The following PGAP2 variants were observed in gnomAD, a reference collection of about 807,000 sequenced individuals.
The protein encoded by PGAP2 is post-GPI attachment to proteins 2.
Under a neutral mutation model 33.2 loss-of-function variants are expected in PGAP2, and 21 were observed. The ratio of observed to expected loss-of-function variants is 0.63; its 90% CI spans 0.45 to 0.91. The LOEUF (loss-of-function observed/expected upper bound fraction) is 0.91. Ranked by LOEUF, PGAP2 falls within the 40% of genes least tolerant of loss-of-function variation. The pLI is 0.00. For missense variants in PGAP2, 345 were observed against 424.0 expected, an observed-to-expected ratio of 0.81 and a Z score of 1.64; for synonymous variants, 161 against 172.9, an observed-to-expected ratio of 0.93 and a Z score of 0.54.
rs1045801313 is a variant in PGAP2, at chr11:3,825,084, C to T, written c.773C>T (p.Ala258Val). ...FIINFISFFS[A>V]LAVYFRHNMY... ...ATCAACTTCATCTCCTTCTTCTCGG[C>T]GCTGGCTGTCTACTTTCGGCACAAC... is the stretch of plus-strand genomic sequence containing the variant. Residue 258 changes from alanine (A) to valine (V), a missense_variant, in exon 6 of 7, where the codon GCG (alanine) becomes GTG (valine). Transcript: ENST00000278243. 1.9e-6 allele frequency: 3 copies of T among 1,614,200 alleles called. No individual in the cohort carries two copies. Among genetic ancestry groups the T allele is most frequent in the East Asian group, 2.2e-5 (1 of 44,880 alleles).
At chr11:3,820,204 A>G (rs2088205205) in intron 3 of PGAP2, among the ~76,000 whole-genome samples, 1 of 152,166 alleles carries the variant, frequency 6.6e-6, no homozygotes, top group African/African-American at 2.4e-5. Flanking sequence ...AGGCAGAAAA[A>G]TCAAGTAAGG....
intron 1 of PGAP2, among the ~76,000 whole-genome samples, chr11:3,810,508 C>T (rs1158947158): frequency 1.3e-5 from 2 of 152,204 alleles, no homozygotes; most frequent in Admixed American, 1.3e-4. Context: ...CCCCAGGAAC[C>T]CTCATCTGTT....
intron 3 of PGAP2, chr11:3,823,611 A>C (rs1466750278): frequency 3.9e-5 from 60 of 1,536,358 alleles, no homozygotes; most frequent in Non-Finnish European, 4.7e-5. Flanking sequence ...GACCAAACAC[A>C]GGCAGGTTCC....
At chr11:3,810,487 G>A (rs1455638718) in intron 1 of PGAP2, among the ~76,000 whole-genome samples, 1 of 152,172 alleles carries the variant, frequency 6.6e-6, no homozygotes, top group Non-Finnish European at 1.5e-5. Flanking sequence ...ATCTAAGGGG[G>A]AAATCACAGC....
At chr11:3,820,938 C>G (rs998682290) in intron 3 of PGAP2, among the ~76,000 whole-genome samples, 5 of 152,232 alleles carry the variant, frequency 3.3e-5, no homozygotes, top group Non-Finnish European at 2.9e-5. Flanking sequence ...TGCTCAAGGT[C>G]ACCCAGCTAA....
At chr11:3,800,871 G>T (rs1001247839) in intron 1 of PGAP2, among the ~76,000 whole-genome samples, 2 of 151,106 alleles carry the variant, frequency 1.3e-5, no homozygotes, top group Non-Finnish European at 2.9e-5. Context: ...GGTGGCTCAC[G>T]CCTATAATCC....
At position 3,824,201 on chromosome 11, in the gene PGAP2, A is replaced by T; in HGVS notation, c.601+66A>T. 3 of 1,612,522 alleles carry T rather than the reference A, an allele frequency of 1.9e-6. No homozygotes were observed. The African/African-American group carries it at 4.0e-5, about 21-fold the overall frequency. On this transcript the variant is annotated intron_variant, in intron 4 of 6. Transcript: ENST00000278243. ...GAGGGGACGGGCCTGCCCCTACCAC[A>T]TTCGGACCTTCCTACTTCGTGGTGT...
Position 3,822,924 on chromosome 11 carries a change from A to C in PGAP2, c.349-959A>C, listed in dbSNP as rs190087907. ...TTTCCTTAAGGACTGAAGCTTCAAT[A>C]GGAGTTCCAGGCATTAAGATGGATG... On this transcript the variant is annotated intron_variant, in intron 3 of 6. Transcript: ENST00000278243. The C allele has an allele frequency of 7.7e-5, 118 of 1,530,762 alleles. No homozygotes were observed. In the East Asian group the frequency reaches 2.8e-3, roughly 36 times the overall value. 94.8% of individuals were successfully genotyped at this position (1,530,762 alleles called of 1,614,324 possible). A position where few individuals can be genotyped will look rare whatever the true frequency, so the allele number is the denominator to read the frequency against.
At chr11:3,801,508 G>A (rs1408277068) in intron 1 of PGAP2, among the ~76,000 whole-genome samples, 2 of 151,814 alleles carry the variant, frequency 1.3e-5, no homozygotes, top group Non-Finnish European at 2.9e-5. Context: ...CGGGCGCGGT[G>A]GCAGGCGCCT....
intron 3 of PGAP2, among the ~76,000 whole-genome samples, chr11:3,819,335 A>ACCCCGATGGGACCTT (rs2087934439): frequency 6.6e-6 from 1 of 152,102 alleles, no homozygotes; most frequent in Admixed American, 6.6e-5. Flanking sequence ...CAGGGGCAAG[A>ACCCCGATGGGACCTT]GTAGGGTATA....
intron 3 of PGAP2, among the ~76,000 whole-genome samples, chr11:3,819,778 G>T (rs893242341): frequency 2.6e-5 from 4 of 152,080 alleles, no homozygotes; most frequent in Admixed American, 2.0e-4. Flanking sequence ...GATGAGTGGG[G>T]AACTTGTGTG....
intron 2 of PGAP2, among the ~76,000 whole-genome samples, chr11:3,814,593 A>G (rs961017849): frequency 2.0e-5 from 3 of 148,498 alleles, no homozygotes; most frequent in Admixed American, 1.3e-4. Flanking sequence ...TTTTTCTTTT[A>G]ACAGAGATAG....
chr11:3,823,651 C>T lies in PGAP2; in HGVS notation c.349-232C>T, dbSNP rs1320222896. 4.5e-6 allele frequency: 7 copies of T among 1,543,308 alleles called. No homozygotes were observed. In the East Asian group the frequency reaches 7.3e-5, roughly 16 times the overall value. On this transcript the variant is annotated intron_variant, in intron 3 of 6. Coordinates refer to ENST00000278243, the MANE Select transcript of PGAP2 (RefSeq NM_014489.4). Reference sequence around the variant, plus strand: ...TGCGGGGGAGATGGAGAAGGTGCCACCATGCTGCTGCACAAATCCCAGGAT... The same window carrying T: ...TGCGGGGGAGATGGAGAAGGTGCCATCATGCTGCTGCACAAATCCCAGGAT...
intron 1 of PGAP2, among the ~76,000 whole-genome samples, chr11:3,801,338 T>G (rs1337240020): frequency 6.6e-6 from 1 of 151,760 alleles, no homozygotes; most frequent in African/African-American, 2.4e-5. Context: ...TGGTATTGTT[T>G]GCATTATTTA....
chr11:3,806,820 G>A (rs1354985619), upstream of PGAP2, among the ~76,000 whole-genome samples: 1 of 152,052 alleles, frequency 6.6e-6, no homozygotes, highest in Non-Finnish European at 1.5e-5. Context: ...TCAGGAATTC[G>A]AGACCAGCCT....
chr11:3,808,540 G>T (rs552937750), upstream of PGAP2: 16 of 1,395,158 alleles, frequency 1.1e-5, no homozygotes, highest in South Asian at 2.5e-4. Flanking sequence ...CGCCCCGAGA[G>T]CGCCGGCCCC....
At chr11:3,818,052 C>CAAAA in intron 3 of PGAP2, 1 of 131,952 alleles carries the variant, frequency 7.6e-6, no homozygotes, top group East Asian at 3.5e-4. Context: ...GTCTCAAAAA[C>CAAAA]AAAACAAAAT....
upstream of PGAP2, among the ~76,000 whole-genome samples, chr11:3,805,835 C>T (rs562248739): frequency 1.6e-3 from 249 of 151,856 alleles, 1 homozygote; most frequent in African/African-American, 3.4e-3. Flanking sequence ...TACAGGTGCG[C>T]GCCATCACGC....
chr11:3,814,756 C>CCTTCT (rs1565011543), intron 2 of PGAP2, among the ~76,000 whole-genome samples: 63 of 47,814 alleles, frequency 1.3e-3, no homozygotes, highest in East Asian at 1.6e-3. Flanking sequence ...TCTTTTCTTT[C>CCTTCT]TTTCTTTCTT....
Sources: gnomAD v4.1 joint callset for allele counts (sites outside exome capture counted in the v4.1 genomes callset) on GRCh38, gnomAD v4.1.1 for gene constraint, MANE v1.5 for transcripts, NCBI Gene and HGNC (gene_info 2026-07-23, HGNC 2026-07-21) for gene names.